The following TMTC2 variants were observed in gnomAD, a reference collection of about 807,000 sequenced individuals.
The protein encoded by TMTC2 is transmembrane O-mannosyltransferase targeting cadherins 2.
TMTC2 carries 43 observed loss-of-function variants against 82.4 expected under a neutral mutation model. That is an observed-to-expected ratio of 0.52 (90% CI 0.41 to 0.67). TMTC2 has a LOEUF of 0.67. Ranked by LOEUF, TMTC2 falls within the 30% of genes least tolerant of loss-of-function variation. TMTC2 has a pLI of 0.00. For synonymous variants in TMTC2, 408 were observed against 381.9 expected (o/e 1.07, Z -0.80); for missense variants, 919 against 1,012.4 (o/e 0.91, Z 1.25).
intron 1 of TMTC2, among the ~76,000 whole-genome samples, chr12:82,728,269 G>A (rs2136935506): frequency 6.6e-6 from 1 of 152,078 alleles, no homozygotes; most frequent in South Asian, 2.1e-4. Flanking sequence ...TGGTACCCCA[G>A]AGCCTGGTAT....
intron 4 of TMTC2, among the ~76,000 whole-genome samples, chr12:82,945,651 A>G (rs1215607011): frequency 6.6e-6 from 1 of 152,230 alleles, no homozygotes; most frequent in Non-Finnish European, 1.5e-5. Context: ...TGCATTATGA[A>G]AAAAGTTTCT....
At chr12:82,852,525 G>A (rs1039422188) in intron 1 of TMTC2, among the ~76,000 whole-genome samples, 2 of 152,070 alleles carry the variant, frequency 1.3e-5, no homozygotes, top group African/African-American at 4.8e-5. Flanking sequence ...CTTTCCTAGA[G>A]TGGAAAATAT....
At chr12:82,763,689 C>T (rs201075080) in intron 1 of TMTC2, among the ~76,000 whole-genome samples, 3 of 151,990 alleles carry the variant, frequency 2.0e-5, no homozygotes, top group African/African-American at 4.8e-5. Context: ...AAAAGAAAAA[C>T]GTGACTTAAG....
intron 2 of TMTC2, among the ~76,000 whole-genome samples, chr12:82,881,305 A>G (rs1872813867): frequency 6.6e-6 from 1 of 152,222 alleles, no homozygotes; most frequent in Admixed American, 6.5e-5. Context: ...TAGTTTGAGT[A>G]CTTTTCTGTT....
At chr12:82,749,744 T>TTC (rs1370148088) in intron 1 of TMTC2, among the ~76,000 whole-genome samples, 2 of 147,856 alleles carry the variant, frequency 1.4e-5, no homozygotes, top group African/African-American at 5.0e-5. Context: ...TCTTTCTTTT[T>TTC]TTTTTTTTTT....
chr12:82,794,329 G>A (rs1366278017), intron 1 of TMTC2, among the ~76,000 whole-genome samples: 2 of 151,978 alleles, frequency 1.3e-5, no homozygotes, highest in Non-Finnish European at 1.5e-5. Flanking sequence ...AATGATGCAC[G>A]TTTCCCCTCT....
At chr12:82,714,755 A>G (rs1456368086) in intron 1 of TMTC2, among the ~76,000 whole-genome samples, 1 of 152,112 alleles carries the variant, frequency 6.6e-6, no homozygotes, top group African/African-American at 2.4e-5. Flanking sequence ...CACATTCTAA[A>G]ATTAGATATT....
At chr12:82,843,714 G>A (rs564590160) in intron 1 of TMTC2, among the ~76,000 whole-genome samples, 9 of 152,170 alleles carry the variant, frequency 5.9e-5, no homozygotes, top group Admixed American at 2.0e-4. Flanking sequence ...TTGGGAGTCC[G>A]GGGCGGGTGG....
chr12:82,848,744 C>T (rs1870817292), intron 1 of TMTC2, among the ~76,000 whole-genome samples: 1 of 152,096 alleles, frequency 6.6e-6, no homozygotes, highest in Admixed American at 6.5e-5. Flanking sequence ...CATATATCAT[C>T]CCATTTAAGA....
intron 3 of TMTC2, among the ~76,000 whole-genome samples, chr12:82,898,583 C>T (rs1049144081): frequency 3.3e-5 from 5 of 152,174 alleles, no homozygotes; most frequent in Non-Finnish European, 5.9e-5. Flanking sequence ...CATGGGTTCT[C>T]AGAATCCAAG....
chr12:83,123,585 G>A lies in TMTC2; in HGVS notation c.2332-8625G>A, dbSNP rs1885019556. 2.0e-5 allele frequency among the ~76,000 whole-genome samples: 3 copies of A among 152,078 alleles called. No homozygotes were observed. The South Asian group carries it at 6.2e-4, about 32-fold the overall frequency. ...TCATTTGTTTAATTGTATTAATCTT[G>A]CATTTTAAGTAAGGACTTATTTTTT... On this transcript the variant is annotated intron_variant, in intron 11 of 11. Transcript: ENST00000321196.
intron 8 of TMTC2, among the ~76,000 whole-genome samples, chr12:83,021,602 A>T (rs1361416400): frequency 4.2e-5 from 4 of 95,594 alleles, no homozygotes; most frequent in Non-Finnish European, 1.0e-4. Context: ...CTATAAAAAA[A>T]ATTTTTTTTT....
At chr12:82,974,458 A>T (rs904669259) in intron 7 of TMTC2, among the ~76,000 whole-genome samples, 1 of 152,206 alleles carries the variant, frequency 6.6e-6, no homozygotes, top group African/African-American at 2.4e-5. Flanking sequence ...TGAAATAGAC[A>T]TAGTCATGTG....
intron 11 of TMTC2, among the ~76,000 whole-genome samples, chr12:83,091,574 G>A (rs1055823730): frequency 6.6e-6 from 1 of 152,164 alleles, no homozygotes; most frequent in Non-Finnish European, 1.5e-5. Flanking sequence ...TTGACCTGAA[G>A]AATTAAAGTT....
At chr12:82,824,202 T>G (rs1312075325) in intron 1 of TMTC2, among the ~76,000 whole-genome samples, 4 of 152,182 alleles carry the variant, frequency 2.6e-5, no homozygotes, top group Non-Finnish European at 4.4e-5. Context: ...CCTATTCCAT[T>G]TCTTAAATAA....
At chr12:82,858,262 T>C (rs1218102714) in intron 2 of TMTC2, among the ~76,000 whole-genome samples, 2 of 152,220 alleles carry the variant, frequency 1.3e-5, no homozygotes, top group African/African-American at 2.4e-5. Flanking sequence ...AGGATCCCCA[T>C]ACACTTGAAG....
At chr12:82,931,989 A>T (rs1044035265) in intron 4 of TMTC2, among the ~76,000 whole-genome samples, 1 of 152,102 alleles carries the variant, frequency 6.6e-6, no homozygotes, top group Admixed American at 6.6e-5. Flanking sequence ...TAGGAAGATG[A>T]CTGATCCTAG....
chr12:82,911,430 G>T (rs1000965045), intron 3 of TMTC2, among the ~76,000 whole-genome samples: 16 of 145,698 alleles, frequency 1.1e-4, no homozygotes, highest in African/African-American at 4.1e-4. Flanking sequence ...ACTTGACCAT[G>T]GCTTCTCAGT....
chr12:82,871,773 AT>A (rs148908646), intron 2 of TMTC2, among the ~76,000 whole-genome samples: 3 of 145,920 alleles, frequency 2.1e-5, no homozygotes, highest in Admixed American at 6.9e-5. Flanking sequence ...GTCGGTGTCC[AT>A]TTTTTTTTCT....
Sources: allele counts gnomAD v4.1 joint callset (sites outside exome capture counted in the v4.1 genomes callset), GRCh38; gene constraint gnomAD v4.1.1; transcripts MANE v1.5; gene names NCBI Gene and HGNC (gene_info 2026-07-23, HGNC 2026-07-21).